PROC: variants seen among roughly 807,000 people sequenced by gnomAD.
The protein encoded by PROC is protein C, inactivator of coagulation factors Va and VIIIa.
Under a neutral mutation model 36.3 loss-of-function variants are expected in PROC, and 22 were observed. The observed-to-expected ratio is 0.61, with a 90% CI of 0.43 to 0.86. The LOEUF is 0.86. PROC is among the 40% of genes least tolerant of loss of function. The probability of loss-of-function intolerance (pLI) is 0.00; values close to 1 mark genes in which losing one functional copy is unlikely to be tolerated. For synonymous variants in PROC, 218 were observed against 244.5 expected, an observed-to-expected ratio of 0.89 and a Z score of 1.01; for missense variants, 526 against 629.7, an observed-to-expected ratio of 0.84 and a Z score of 1.76.
intron 6 of PROC, among the ~76,000 whole-genome samples, chr2:127,423,861 C>T (rs922321842): frequency 2.0e-5 from 3 of 152,230 alleles, no homozygotes; most frequent in African/African-American, 7.2e-5. Context: ...CCCGATTCTG[C>T]CTTCTTCTAT....
At chr2:127,424,760 C>T (rs1483129888) in intron 6 of PROC, among the ~76,000 whole-genome samples, 1 of 152,176 alleles carries the variant, frequency 6.6e-6, no homozygotes, top group Admixed American at 6.5e-5. Flanking sequence ...CAAAGAAATG[C>T]CTGGTGGGCC....
Position 127,428,339 on chromosome 2 carries a change from G to A in PROC, c.797-18G>A. On this transcript the variant is annotated intron_variant, in intron 8 of 8. Transcript: ENST00000234071. ...AGGCTCCCCGCAGCCCACTCTGACTGTGCCCTCTGCCCTGCAGGAGAGTAT... is the reference window on the plus strand; with the variant it reads ...AGGCTCCCCGCAGCCCACTCTGACTATGCCCTCTGCCCTGCAGGAGAGTAT... 2 of 1,612,446 alleles carry A rather than the reference G, an allele frequency of 1.2e-6. No homozygotes were observed. The highest frequency in any genetic ancestry group is 1.7e-6 in the Non-Finnish European group (2 of 1,179,272).
At chr2:127,419,470 A>T (rs1303335759) in intron 1 of PROC, among the ~76,000 whole-genome samples, 1 of 152,210 alleles carries the variant, frequency 6.6e-6, no homozygotes, top group East Asian at 1.9e-4. Flanking sequence ...TGGAGCAGTT[A>T]AGCATCTTGC....
rs1558718093 is a variant in PROC at position 127,428,602 on chromosome 2, CGA to C, written c.1047_1048del (p.Lys350GlyfsTer22). 1.9e-6 allele frequency: 3 copies of C among 1,613,924 alleles called. No homozygotes were observed. The Admixed American group carries it at 5.0e-5, about 27-fold the overall frequency. On this transcript the variant is annotated frameshift_variant, in exon 9 of 9. Transcript: ENST00000234071. LOFTEE classifies it low-confidence loss of function (END_TRUNC). Reference sequence around the variant, plus strand: ...GACGGGCTGGGGCTACCACAGCAGCCGAGAGAAGGAGGCCAAGAGAAACCGCA... The same window carrying C: ...GACGGGCTGGGGCTACCACAGCAGCCGAGAAGGAGGCCAAGAGAAACCGCA... Reference protein sequence around the residue: ...LVTGWGYHSSREKEAKRNRTF... With the variant: ...LVTGWGYHSSXEKEAKRNRTF...
intron 1 of PROC, among the ~76,000 whole-genome samples, chr2:127,419,181 G>A (rs149826396): frequency 8.5e-5 from 13 of 152,250 alleles, no homozygotes; most frequent in African/African-American, 2.6e-4. Flanking sequence ...TGCAATCAAC[G>A]GAGACCAGCA....
intron 2 of PROC, among the ~76,000 whole-genome samples, chr2:127,420,451 C>T (rs1688028241): frequency 6.6e-6 from 1 of 152,180 alleles, no homozygotes; most frequent in South Asian, 2.1e-4. Flanking sequence ...GGGAGGAGGC[C>T]ATGATTCTTG....
chr2:127,426,354 AG>A lies in PROC; in HGVS notation c.678+129del. ...TGCCATTGCGTTTGGGGGATGATGAAGGTGGGGGATGCTTCAGGGAAAGATG... is the reference window on the plus strand; with the variant it reads ...TGCCATTGCGTTTGGGGGATGATGAAGTGGGGGATGCTTCAGGGAAAGATG... On this transcript the variant is annotated intron_variant, in intron 7 of 8. Coordinates refer to ENST00000234071, the MANE Select transcript of PROC (RefSeq NM_000312.4). The surrounding 1 kb of genome is among the most constrained non-coding windows in gnomAD (Gnocchi z 7.0). 1 of 1,255,560 alleles carries A rather than the reference AG, an allele frequency of 8.0e-7. No homozygotes were observed. The highest frequency in any genetic ancestry group is 1.1e-6 in the Non-Finnish European group (1 of 913,936). 77.8% of individuals were successfully genotyped at this position (1,255,560 alleles called of 1,614,324 possible).
chr2:127,428,220 G>C (rs146594456), intron 8 of PROC, 137 bp from the exon 9 acceptor site: 2 of 832,956 alleles, frequency 2.4e-6, no homozygotes, highest in East Asian at 5.4e-5. Context: ...GGACGTGTGG[G>C]TGCACAGTCT....
At chr2:127,419,718 C>T in intron 1 of PROC, 1 of 1,218,926 alleles carries the variant, frequency 8.2e-7, no homozygotes, top group Non-Finnish European at 1.1e-6. Flanking sequence ...GCTTTCTAGG[C>T]AGGCAGTGTG....
At chr2:127,427,873 TGA>T (rs1688624684) in intron 8 of PROC, among the ~76,000 whole-genome samples, 1 of 152,240 alleles carries the variant, frequency 6.6e-6, no homozygotes, top group African/African-American at 2.4e-5. Flanking sequence ...CAGTCTGGAC[TGA>T]GAGGACCTTC....
At chr2:127,421,583 G>C (rs1043984126) in intron 3 of PROC, 134 bp downstream of exon 3, 4 of 1,020,588 alleles carry the variant, frequency 3.9e-6, no homozygotes, top group Non-Finnish European at 5.9e-6. Context: ...GAGCGATTAG[G>C]ATGCTGGCCC....
rs1337457660 is a variant in PROC, at chr2:127,426,904, G to C, written c.679-201G>C. Among the ~76,000 whole-genome samples, 1 of 152,212 alleles carries C rather than the reference G, an allele frequency of 6.6e-6. No homozygotes were observed. The highest frequency in any genetic ancestry group is 1.5e-5 in the Non-Finnish European group (1 of 68,036). On this transcript the variant is annotated intron_variant, in intron 7 of 8. Transcript: ENST00000234071. The surrounding 1 kb of genome is among the most constrained non-coding windows in gnomAD (Gnocchi z 7.0). ...GACTGAAACAGTATGAACAGTGCAG[G>C]AACAGCATGGGCAAAGGCAGGAAGA...
chr2:127,421,169 G>A lies in PROC; in HGVS notation c.71-114G>A, dbSNP rs948266716. On this transcript the variant is annotated intron_variant, in intron 2 of 8. Coordinates refer to ENST00000234071, the MANE Select transcript of PROC (RefSeq NM_000312.4). ...TAGAATTAGAATGAGTCTTGAGGGG[G>A]CGGAGACAAGACCTTCCCAGGCTCT... 7.9e-5 allele frequency: 85 copies of A among 1,070,820 alleles called. No homozygotes were observed. The Admixed American group carries it at 1.6e-3, about 20-fold the overall frequency. The allele number at this position is 1,070,820 out of a possible 1,614,324, so 66.3% of individuals were successfully genotyped here.
intron 8 of PROC, 49 bp from the exon 9 acceptor site, chr2:127,428,308 G>C: frequency 6.3e-7 from 1 of 1,579,472 alleles, no homozygotes; most frequent in Non-Finnish European, 8.7e-7. Flanking sequence ...AAGTGCCACT[G>C]GGGAGAGGCT....
intron 2 of PROC, among the ~76,000 whole-genome samples, chr2:127,420,956 T>A (rs1446927930): frequency 2.0e-5 from 3 of 152,194 alleles, no homozygotes; most frequent in Non-Finnish European, 1.5e-5. Context: ...CATGACGGTC[T>A]CATCCCCATG....
intron 2 of PROC, 43 bp downstream of exon 2, chr2:127,420,055 A>C (rs369577377): frequency 6.2e-7 from 1 of 1,601,904 alleles, no homozygotes; most frequent in African/African-American, 1.3e-5. Flanking sequence ...TGTGGCCTCT[A>C]CAAGGCCCTG....
intron 6 of PROC, among the ~76,000 whole-genome samples, chr2:127,424,869 ACTC>A (rs1688382536): frequency 6.6e-6 from 1 of 151,762 alleles, no homozygotes; most frequent in African/African-American, 2.4e-5. Flanking sequence ...TTCTAAGAGG[ACTC>A]CTCCAAGCTC....
rs751714439 is a variant in PROC at position 127,428,580 on chromosome 2, G to A, written c.1020G>A (p.Thr340=). 1.2e-5 allele frequency: 19 copies of A among 1,613,712 alleles called. No individual in the cohort carries two copies. Among genetic ancestry groups the A allele is most frequent in the African/African-American group, 6.7e-5 (5 of 74,956 alleles). The change falls in exon 9 of 9, where the codon ACG becomes ACA. Residue 340 remains threonine (T), a synonymous_variant. Transcript: ENST00000234071. ...AGGCCGGCCAGGAGACCCTCGTGAC[G>A]GGCTGGGGCTACCACAGCAGCCGAG... ...LNQAGQETLV[T]GWGYHSSREK...
At position 127,423,115 on chromosome 2, in the gene PROC, T is replaced by C. The variant is rs748411379; in HGVS notation, c.344T>C (p.Ile115Thr). ...CCGHGTCIDG[I>T]GSFSCDCRSG... ...GGGCACGGCACGTGCATCGACGGCA[T>C]CGGCAGCTTCAGCTGCGACTGCCGC... is the stretch of plus-strand genomic sequence containing the variant. The change falls in exon 5 of 9, where the codon ATC (isoleucine) becomes ACC (threonine). Residue 115 changes from isoleucine (I) to threonine (T), a missense_variant. Ile to Thr is a moderately conservative substitution (Grantham distance 89, BLOSUM62 -1). Coordinates refer to ENST00000234071, the MANE Select transcript of PROC (RefSeq NM_000312.4). 6.2e-7 allele frequency: 1 copy of C among 1,608,212 alleles called. No individual in the cohort carries two copies. The highest frequency in any genetic ancestry group is 8.5e-7 in the Non-Finnish European group (1 of 1,177,590).
Sources: gnomAD v4.1 joint callset for allele counts (sites outside exome capture counted in the v4.1 genomes callset) on GRCh38, gnomAD v4.1.1 for gene constraint, Gnocchi (gnomAD v3.1) non-coding constraint, MANE v1.5 for transcripts, NCBI Gene and HGNC (gene_info 2026-07-23, HGNC 2026-07-21) for gene names.